The following VMA21 variants were observed in gnomAD, a reference collection of about 807,000 sequenced individuals.
VMA21 encodes vacuolar ATPase assembly integral membrane protein VMA21.
For missense variants in VMA21, 61 were observed against 80.6 expected, an observed-to-expected ratio of 0.76 and a Z score of 0.93; for synonymous variants, 47 against 34.1, an observed-to-expected ratio of 1.38 and a Z score of -1.32.
upstream of VMA21, chrX:151,396,762 T>C (rs2011191801): frequency 4.5e-6 from 2 of 446,844 alleles, no homozygotes; most frequent in African/African-American, 2.5e-5. Flanking sequence ...CACTGCTTTT[T>C]TGTGTTGTCG....
upstream of VMA21, chrX:151,396,887 C>G (rs2011193199): frequency 1.9e-6 from 1 of 522,291 alleles, no homozygotes; most frequent in Admixed American, 2.7e-5. Context: ...GAGACGCAGA[C>G]GAGGACCAGT....
At chrX:151,401,404 C>T (rs1437281023) in intron 1 of VMA21, among the ~76,000 whole-genome samples, 1 of 111,976 alleles carries the variant, frequency 8.9e-6, no homozygotes, top group South Asian at 3.7e-4. Flanking sequence ...TATGCCAATA[C>T]CATATTGTTT....
intron 1 of VMA21, 45 bp from the exon 2 acceptor site, chrX:151,403,586 A>G (rs748471261): frequency 1.0e-6 from 1 of 956,502 alleles, no homozygotes; most frequent in South Asian, 1.9e-5. Context: ...GCGTTTGGAT[A>G]TGACTGTGCA....
chrX:151,397,509 G>T, intron 1 of VMA21, 148 bp downstream of exon 1: 1 of 668,834 alleles, frequency 1.5e-6, no homozygotes, highest in Non-Finnish European at 2.2e-6. Flanking sequence ...GCAGGTTGGA[G>T]CCTGAGACGT....
rs2011298958 is a variant in VMA21 at position 151,406,916 on chromosome X, A to G, written c.*1858A>G. 8.9e-6 allele frequency: 1 copy of G among 112,379 alleles called. No homozygotes were observed. The highest frequency in any genetic ancestry group is 3.2e-5 in the African/African-American group (1 of 30,907). The allele number at this position is 112,379 out of a possible 1,213,427, so 9.3% of individuals were successfully genotyped here. ...CTGTTGAGAAAAGTGAAAGATCAGT[A>G]TGATTATTATGGAACTGTTTTTAAT... On this transcript the variant is annotated 3_prime_UTR_variant, in exon 3 of 3. Transcript: ENST00000330374.
At chrX:151,397,465 C>T (rs979332623) in intron 1 of VMA21, 104 bp downstream of exon 1, 1 of 909,117 alleles carries the variant, frequency 1.1e-6, no homozygotes, top group African/African-American at 2.0e-5. Flanking sequence ...GTCTGGACCC[C>T]GGGGACCTGG....
At position 151,398,363 on chromosome X, in the gene VMA21, A is replaced by G. The variant is rs1316574566; in HGVS notation, c.53+1002A>G. On this transcript the variant is annotated intron_variant, in intron 1 of 2. Coordinates refer to ENST00000330374, the MANE Select transcript of VMA21 (RefSeq NM_001017980.4). Reference sequence around the variant, plus strand: ...TCCCTCCTCCCAGCCTCCACCCTCAAGTAGACCGCACTGTCTGTTGTTCCT... The same window carrying G: ...TCCCTCCTCCCAGCCTCCACCCTCAGGTAGACCGCACTGTCTGTTGTTCCT... Among the ~76,000 whole-genome samples the G allele has an allele frequency of 1.9e-5, 2 of 106,619 alleles. 1 individual carries two copies. The highest frequency in any genetic ancestry group is 3.9e-5 in the Non-Finnish European group (2 of 51,234). The allele number at this position is 106,619 out of a possible 115,157, so 92.6% of individuals were successfully genotyped here. A position where few individuals can be genotyped will look rare whatever the true frequency, so the allele number is the denominator to read the frequency against.
intron 1 of VMA21, 80 bp downstream of exon 1, chrX:151,397,441 T>A: frequency 9.5e-7 from 1 of 1,054,609 alleles, no homozygotes; most frequent in South Asian, 2.1e-5. Context: ...CCTAGCTGAA[T>A]GGGTGGGCGT....
rs1386982357 is a variant in VMA21 at position 151,408,503 on chromosome X, CA to C, written c.*3446del. On this transcript the variant is annotated 3_prime_UTR_variant, in exon 3 of 3. Coordinates refer to ENST00000330374, the MANE Select transcript of VMA21 (RefSeq NM_001017980.4). ...TTGTAAACTTATGGTTCAACTCTGA[CA>C]CAGAATTTGTCACTTGTCTGAGGTC... 1 of 112,353 alleles carries C rather than the reference CA, an allele frequency of 8.9e-6. No homozygotes were observed. Among genetic ancestry groups the C allele is most frequent in the Non-Finnish European group, 1.9e-5 (1 of 53,290 alleles). The allele number at this position is 112,353 out of a possible 1,213,427, so 9.3% of individuals were successfully genotyped here.
In VMA21 at chrX:151,407,568, A is replaced by G. The variant is rs999526979; in HGVS notation, c.*2510A>G. 8.9e-6 allele frequency: 1 copy of G among 112,703 alleles called. No individual in the cohort carries two copies. Among genetic ancestry groups the G allele is most frequent in the African/African-American group, 3.2e-5 (1 of 30,995 alleles). 9.3% of individuals were successfully genotyped at this position (112,703 alleles called of 1,213,427 possible). A position where few individuals can be genotyped will look rare whatever the true frequency, so the allele number is the denominator to read the frequency against. ...TGTTTGAAAACTGATTGTAAGAATA[A>G]CCTCAGTTAGGAGATATAACTTGAA... On this transcript the variant is annotated 3_prime_UTR_variant, in exon 3 of 3. Transcript: ENST00000330374.
chrX:151,404,648 C>T (rs2011269056), intron 2 of VMA21, among the ~76,000 whole-genome samples: 1 of 107,192 alleles, frequency 9.3e-6, no homozygotes, highest in Admixed American at 1.0e-4. Context: ...TTTCCATCTC[C>T]TGACCTCGTG....
chrX:151,398,967 G>A (rs191374128), intron 1 of VMA21, among the ~76,000 whole-genome samples: 1 of 112,664 alleles, frequency 8.9e-6, no homozygotes, highest in East Asian at 2.8e-4. Flanking sequence ...TAAATCAATT[G>A]AATAGCATCA....
chrX:151,397,145 C>T (rs2011198483), upstream of VMA21: 1 of 446,259 alleles, frequency 2.2e-6, no homozygotes, highest in South Asian at 6.1e-5. Flanking sequence ...CGTACTGTGG[C>T]CCGCCGCCCG....
chrX:151,397,263 C>G lies in VMA21; in HGVS notation c.-46C>G. Reference sequence around the variant, plus strand: ...CGCGGAGCTTACTGAGCGCGGCCGCCGAGCCCAGCTCCGCCGCCGAGCGCC... The same window carrying G: ...CGCGGAGCTTACTGAGCGCGGCCGCGGAGCCCAGCTCCGCCGCCGAGCGCC... On this transcript the variant is annotated 5_prime_UTR_variant, in exon 1 of 3. Coordinates refer to ENST00000330374, the MANE Select transcript of VMA21 (RefSeq NM_001017980.4). 1 of 1,145,526 alleles carries G rather than the reference C, an allele frequency of 8.7e-7. No homozygotes were observed. The highest frequency in any genetic ancestry group is 1.2e-6 in the Non-Finnish European group (1 of 864,136). The allele number at this position is 1,145,526 out of a possible 1,213,427, so 94.4% of individuals were successfully genotyped here. A position where few individuals can be genotyped will look rare whatever the true frequency, so the allele number is the denominator to read the frequency against.
In VMA21 at chrX:151,407,037, G is replaced by A. The variant is rs1391417031; in HGVS notation, c.*1979G>A. The A allele has an allele frequency of 8.9e-6, 1 of 112,441 alleles. No homozygotes were observed. The highest frequency in any genetic ancestry group is 1.9e-5 in the Non-Finnish European group (1 of 53,293). 9.3% of individuals were successfully genotyped at this position (112,441 alleles called of 1,213,427 possible). A position where few individuals can be genotyped will look rare whatever the true frequency, so the allele number is the denominator to read the frequency against. On this transcript the variant is annotated 3_prime_UTR_variant, in exon 3 of 3. Transcript: ENST00000330374. ...TGGTCCCTAATTAAGAAGTATTGTTGTATTTAGAATTGTCCACCTAATTTC... is the reference window on the plus strand; with the variant it reads ...TGGTCCCTAATTAAGAAGTATTGTTATATTTAGAATTGTCCACCTAATTTC...
rs1218811482 is a variant in VMA21, at chrX:151,408,693, G to C, written c.*3635G>C. 8.9e-6 allele frequency: 1 copy of C among 112,394 alleles called. No homozygotes were observed. The highest frequency in any genetic ancestry group is 3.2e-5 in the African/African-American group (1 of 30,893). The allele number at this position is 112,394 out of a possible 1,213,427, so 9.3% of individuals were successfully genotyped here. A position where few individuals can be genotyped will look rare whatever the true frequency, so the allele number is the denominator to read the frequency against. ...TTCTTTTTCCCTTTTCAGGGGGAAA[G>C]GGTCACCTTAAAAATAAATTATTTT... On this transcript the variant is annotated 3_prime_UTR_variant, in exon 3 of 3. Transcript: ENST00000330374.
intron 2 of VMA21, 66 bp from the exon 3 acceptor site, chrX:151,404,850 G>GT (rs376063441): frequency 0.12 from 80,980 of 663,147 alleles, 9 homozygotes; most frequent in Non-Finnish European, 0.13. Flanking sequence ...AGGATGCTTT[G>GT]TTTTTTTTTT....
rs34263160 is a variant in VMA21, at chrX:151,398,181, GTT to G, written c.53+837_53+838del. ...TCTCTTTCCGACAGGGTCATTGTGA[GTT>G]TTTTTTTTTTTTTTTTAACTTTTAT... On this transcript the variant is annotated intron_variant, in intron 1 of 2. Coordinates refer to ENST00000330374, the MANE Select transcript of VMA21 (RefSeq NM_001017980.4). 3.3e-4 allele frequency among the ~76,000 whole-genome samples: 29 copies of G among 88,992 alleles called. No individual in the cohort carries two copies. The East Asian group carries it at 8.1e-3, about 25-fold the overall frequency. 77.3% of individuals were successfully genotyped at this position (88,992 alleles called of 115,157 possible). A position where few individuals can be genotyped will look rare whatever the true frequency, so the allele number is the denominator to read the frequency against.
Position 151,403,185 on chromosome X carries a change from G to A in VMA21, c.54-446G>A, listed in dbSNP as rs139445608. On this transcript the variant is annotated intron_variant, in intron 1 of 2. Coordinates refer to ENST00000330374, the MANE Select transcript of VMA21 (RefSeq NM_001017980.4). ...CTCTGATTCCAGCAAAAGAGGGCGC[G>A]CTGATCCACCCATGGTGCCTGCTGC... 8.9e-3 allele frequency among the ~76,000 whole-genome samples: 994 copies of A among 112,027 alleles called. 15 individuals are homozygous for A. The highest frequency in any genetic ancestry group is 0.03 in the African/African-American group (915 of 30,847).
Sources: allele counts gnomAD v4.1 joint callset (sites outside exome capture counted in the v4.1 genomes callset), GRCh38; gene constraint gnomAD v4.1.1; transcripts MANE v1.5; gene names NCBI Gene and HGNC (gene_info 2026-07-23, HGNC 2026-07-21).